CCDC102B: variants seen among roughly 807,000 people sequenced by gnomAD.
CCDC102B encodes coiled-coil domain-containing protein 102B.
CCDC102B carries 75 observed loss-of-function variants against 57.4 expected under a neutral mutation model. The ratio of observed to expected loss-of-function variants is 1.31; its 90% CI spans 1.08 to 1.58. The LOEUF (loss-of-function observed/expected upper bound fraction) is 1.58. Ranked by LOEUF, CCDC102B falls within the 40% of genes most tolerant of loss-of-function variation. CCDC102B has a pLI of 0.00. For synonymous variants in CCDC102B, 206 were observed against 201.9 expected (o/e 1.02, Z -0.17); for missense variants, 636 against 582.6 (o/e 1.09, Z -0.94).
intron 5 of CCDC102B, among the ~76,000 whole-genome samples, chr18:68,881,581 A>G (rs2039694360): frequency 6.6e-6 from 1 of 152,094 alleles, no homozygotes; most frequent in African/African-American, 2.4e-5. Flanking sequence ...ATTTCATCCA[A>G]ACAATTGAAG....
At chr18:68,881,040 C>A (rs2039677203) in intron 5 of CCDC102B, among the ~76,000 whole-genome samples, 1 of 152,088 alleles carries the variant, frequency 6.6e-6, no homozygotes, top group South Asian at 2.1e-4. Context: ...CTAGAAATCA[C>A]CAAGACAATA....
chr18:68,919,652 C>G (rs557047751), intron 6 of CCDC102B, among the ~76,000 whole-genome samples: 13 of 152,206 alleles, frequency 8.5e-5, no homozygotes, highest in African/African-American at 3.1e-4. Flanking sequence ...CTGCTGCAAA[C>G]TTAGGCTACA....
chr18:68,873,273 C>T (rs1450219710), intron 4 of CCDC102B, among the ~76,000 whole-genome samples: 2 of 152,094 alleles, frequency 1.3e-5, no homozygotes. Context: ...ATGTTACCAG[C>T]TCTGAACATG....
At chr18:68,857,315 T>TTATTTAA (rs1568293137) in intron 4 of CCDC102B, among the ~76,000 whole-genome samples, 4 of 5,228 alleles carry the variant, frequency 7.7e-4, no homozygotes, top group Non-Finnish European at 2.3e-3. Context: ...TATATATTTA[T>TTATTTAA]ATATTATATA....
intron 6 of CCDC102B, among the ~76,000 whole-genome samples, chr18:69,007,644 G>A (rs1419305383): frequency 1.3e-5 from 2 of 152,196 alleles, no homozygotes; most frequent in Non-Finnish European, 2.9e-5. Flanking sequence ...GATTCAGTAG[G>A]TCTTGAATGA....
chr18:68,963,807 G>A (rs1410115290), intron 6 of CCDC102B, among the ~76,000 whole-genome samples: 1 of 147,404 alleles, frequency 6.8e-6, no homozygotes, highest in African/African-American at 2.7e-5. Context: ...GTGTATATAT[G>A]TATGTATGTA....
intron 6 of CCDC102B, among the ~76,000 whole-genome samples, chr18:68,989,364 A>G (rs1453701226): frequency 6.6e-6 from 1 of 152,240 alleles, no homozygotes; most frequent in Non-Finnish European, 1.5e-5. Context: ...TCTGAAACTC[A>G]TAGGAATAAA....
chr18:68,847,421 T>TA (rs11404072), intron 4 of CCDC102B, among the ~76,000 whole-genome samples: 44,007 of 151,304 alleles, frequency 0.29, 6,827 homozygotes, highest in Non-Finnish European at 0.34. Context: ...AAAATTTAAG[T>TA]AAAAAAAAGA....
intron 6 of CCDC102B, among the ~76,000 whole-genome samples, chr18:68,995,021 T>C: frequency 6.6e-6 from 1 of 152,182 alleles, no homozygotes; most frequent in East Asian, 1.9e-4. Context: ...AATACCTTAA[T>C]GGACAATGAA....
At chr18:68,997,284 C>A (rs1286722047) in intron 6 of CCDC102B, among the ~76,000 whole-genome samples, 1 of 152,068 alleles carries the variant, frequency 6.6e-6, no homozygotes, top group Non-Finnish European at 1.5e-5. Context: ...ACATTTTTTT[C>A]ATTCAAATTT....
intron 1 of CCDC102B, among the ~76,000 whole-genome samples, chr18:68,808,500 CAG>C (rs1599491601): frequency 9.3e-6 from 1 of 106,954 alleles, no homozygotes; most frequent in Non-Finnish European, 1.7e-5. Context: ...TTTTGTGAGA[CAG>C]AGTCTCGCTC....
At chr18:68,925,242 G>A (rs1010924260) in intron 6 of CCDC102B, among the ~76,000 whole-genome samples, 81 of 152,122 alleles carry the variant, frequency 5.3e-4, no homozygotes, top group African/African-American at 1.9e-3. Context: ...CTTCATATTA[G>A]TATCAGTTGG....
chr18:69,045,763 C>G (rs567374720), intron 7 of CCDC102B, among the ~76,000 whole-genome samples: 1 of 152,176 alleles, frequency 6.6e-6, no homozygotes, highest in South Asian at 2.1e-4. Flanking sequence ...CTTCCACCCT[C>G]CACCCTCAAG....
intron 7 of CCDC102B, among the ~76,000 whole-genome samples, chr18:69,021,663 C>T (rs546092322): frequency 5.1e-4 from 77 of 152,228 alleles, no homozygotes; most frequent in African/African-American, 1.9e-3. Flanking sequence ...TGTTTCTTTT[C>T]GTTTAAATGC....
chr18:68,716,289 AT>A (rs10707437), intron 1 of CCDC102B, among the ~76,000 whole-genome samples: 64,767 of 149,042 alleles, frequency 0.43, 14,070 homozygotes, highest in Admixed American at 0.49. Context: ...CCCATATTCA[AT>A]TTTTTTTTTT....
rs2037406504 is a variant in CCDC102B at position 68,836,965 on chromosome 18, G to A, written c.202G>A (p.Asp68Asn). Residue 68 changes from aspartate (D) to asparagine (N), a missense_variant, in exon 2 of 8, where the codon GAT (aspartate) becomes AAT (asparagine). Transcript: ENST00000360242. Reference protein sequence around the residue: ...CAHSYNTNKWDICEELRLREL... With the variant: ...CAHSYNTNKWNICEELRLREL... The stretch of plus-strand genomic sequence containing the variant: ...TCACTCATATAACACCAACAAATGG[G>A]ATATTTGTGAAGAACTTCGCCTGCG... The A allele has an allele frequency of 6.2e-7, 1 of 1,614,012 alleles. No individual in the cohort carries two copies. The highest frequency in any genetic ancestry group is 1.3e-5 in the African/African-American group (1 of 74,912).
intron 3 of CCDC102B, among the ~76,000 whole-genome samples, chr18:68,840,522 G>A (rs898949108): frequency 2.0e-5 from 3 of 152,128 alleles, no homozygotes; most frequent in Admixed American, 6.5e-5. Flanking sequence ...TCTACCAAGT[G>A]TAAATTCCTA....
At chr18:68,746,387 C>T (rs1358421213) in intron 2 of CCDC102B, among the ~76,000 whole-genome samples, 1 of 152,076 alleles carries the variant, frequency 6.6e-6, no homozygotes, top group Non-Finnish European at 1.5e-5. Flanking sequence ...CAAAGGGCTG[C>T]CAGAAGATTT....
intron 6 of CCDC102B, among the ~76,000 whole-genome samples, chr18:68,961,441 C>T (rs1192779131): frequency 1.3e-5 from 2 of 151,832 alleles, no homozygotes; most frequent in Non-Finnish European, 2.9e-5. Context: ...AAAATGTTCA[C>T]ATTCTTTTGG....
Sources: allele counts gnomAD v4.1 joint callset (sites outside exome capture counted in the v4.1 genomes callset), GRCh38; gene constraint gnomAD v4.1.1; transcripts MANE v1.5; gene names NCBI Gene and HGNC (gene_info 2026-07-23, HGNC 2026-07-21).